The following CHUK variants were observed in gnomAD, a reference collection of about 807,000 sequenced individuals.
CHUK encodes inhibitor of nuclear factor kappa-B kinase subunit alpha.
CHUK carries 35 observed loss-of-function variants against 104.8 expected under a neutral mutation model. The observed-to-expected ratio is 0.33, with a 90% confidence interval of 0.26 to 0.44. The LOEUF is 0.44. Among genes scored for constraint, CHUK ranks in the 20% least tolerant of loss-of-function variants. The pLI, the probability that CHUK is intolerant of heterozygous loss-of-function variation, is 1.00. For synonymous variants in CHUK, 276 were observed against 291.9 expected, an observed-to-expected ratio of 0.95 and a Z score of 0.56; for missense variants, 663 against 902.7, an observed-to-expected ratio of 0.73 and a Z score of 3.40.
At chr10:100,186,388 C>T (rs1844995602), downstream of CHUK, 2 of 227,356 alleles carry the variant, frequency 8.8e-6, no homozygotes, top group East Asian at 1.8e-4. Flanking sequence ...CACGCACTTG[C>T]TTCCGGCAGA....
chr10:100,191,270 G>GT (rs1293513936), intron 19 of CHUK, among the ~76,000 whole-genome samples: 1 of 152,200 alleles, frequency 6.6e-6, no homozygotes, highest in Non-Finnish European at 1.5e-5. Context: ...CCGTGAAAAT[G>GT]TAACTAGGGA....
chr10:100,226,301 G>GA lies in CHUK; in HGVS notation c.106-285dup, dbSNP rs1030251668. ...GAACTCTCTCTCATATATAATGTTA[G>GA]AAAAAAAAAGATCCTGTCTCCTCAG... On this transcript the variant is annotated intron_variant, in intron 1 of 20. Transcript: ENST00000370397. 1.2e-4 allele frequency among the ~76,000 whole-genome samples: 18 copies of GA among 151,056 alleles called. No homozygotes were observed. In the South Asian group the frequency reaches 3.3e-3, roughly 28 times the overall value.
intron 9 of CHUK, among the ~76,000 whole-genome samples, chr10:100,212,645 G>T (rs1414792060): frequency 6.6e-6 from 1 of 152,072 alleles, no homozygotes; most frequent in Non-Finnish European, 1.5e-5. Context: ...TTTTTAGTTT[G>T]AAGGCCCACT....
chr10:100,223,233 C>T (rs966429766), intron 2 of CHUK, among the ~76,000 whole-genome samples: 4 of 152,172 alleles, frequency 2.6e-5, no homozygotes, highest in African/African-American at 9.7e-5. Context: ...TATATTAACT[C>T]AGTTACTTGT....
chr10:100,193,527 T>A, intron 18 of CHUK, 96 bp from the exon 19 acceptor site: 1 of 1,381,252 alleles, frequency 7.2e-7, no homozygotes, highest in Admixed American at 1.7e-5. Flanking sequence ...ACATTTCCGT[T>A]ACTACTTATA....
chr10:100,190,267 T>C, intron 20 of CHUK: 1 of 157,386 alleles, frequency 6.4e-6, no homozygotes, highest in Admixed American at 6.3e-5. Flanking sequence ...GCAATCCACC[T>C]GCCTTGGCCT....
chr10:100,220,986 A>G (rs909750436), intron 4 of CHUK, among the ~76,000 whole-genome samples: 7 of 152,232 alleles, frequency 4.6e-5, no homozygotes, highest in African/African-American at 1.4e-4. Context: ...ACTCATTTCA[A>G]TTGGACTTTA....
intron 5 of CHUK, among the ~76,000 whole-genome samples, chr10:100,220,192 C>T (rs1280543893): frequency 6.6e-6 from 1 of 151,718 alleles, no homozygotes. Context: ...AAAGTGGACC[C>T]AGGATGTGCA....
chr10:100,194,704 A>T, intron 16 of CHUK, 183 bp from the exon 17 acceptor site: 2 of 466,860 alleles, frequency 4.3e-6, no homozygotes, highest in Non-Finnish European at 7.7e-6. Context: ...AAATCTAGTT[A>T]TATATAAAAA....
chr10:100,190,020 C>CTTT, intron 20 of CHUK: 5 of 136,446 alleles, frequency 3.7e-5, no homozygotes, highest in South Asian at 2.1e-4. Context: ...CACCATTATC[C>CTTT]TTTTTTTTTT....
At chr10:100,209,236 T>C (rs17885232) in intron 10 of CHUK, among the ~76,000 whole-genome samples, 290 of 152,326 alleles carry the variant, frequency 1.9e-3, no homozygotes, top group African/African-American at 6.8e-3. Flanking sequence ...TGAGTTGGTC[T>C]GGCGGTAATT....
intron 9 of CHUK, among the ~76,000 whole-genome samples, chr10:100,214,348 C>T (rs997538273): frequency 1.3e-5 from 2 of 152,026 alleles, no homozygotes; most frequent in Non-Finnish European, 2.9e-5. Context: ...GCCTTCCATA[C>T]AGTTATAGTC....
chr10:100,220,574 C>T lies in CHUK; in HGVS notation c.474+14G>A. ...ATTCAATAGGCATGAAACATTACTT[C>T]AGGTTTCACCTACCTTTCCACCAAC... On this transcript the variant is annotated intron_variant, in intron 5 of 20. Transcript: ENST00000370397. 1 of 1,546,024 alleles carries T rather than the reference C, an allele frequency of 6.5e-7. No individual in the cohort carries two copies. The highest frequency in any genetic ancestry group is 8.9e-7 in the Non-Finnish European group (1 of 1,118,504).
chr10:100,200,635 C>T (rs1302460901), intron 15 of CHUK, 36 bp downstream of exon 15: 2 of 958,920 alleles, frequency 2.1e-6, no homozygotes, highest in Non-Finnish European at 3.4e-6. Flanking sequence ...CAAAATATTA[C>T]AGATGTCAAG....
In CHUK at chr10:100,217,618, G is replaced by A. The variant is rs548955100; in HGVS notation, c.933+377C>T. On this transcript the variant is annotated intron_variant, in intron 9 of 20. Transcript: ENST00000370397. Reference sequence around the variant, plus strand: ...ATCAGGGCTGGACGCAATGGCTCACGCCTGTAATCCCACTTTGGGAGGTGG... The same window carrying A: ...ATCAGGGCTGGACGCAATGGCTCACACCTGTAATCCCACTTTGGGAGGTGG... Among the ~76,000 whole-genome samples, 33 of 152,278 alleles carry A rather than the reference G, an allele frequency of 2.2e-4. No individual in the cohort carries two copies. The South Asian group carries it at 2.3e-3, about 11-fold the overall frequency.
chr10:100,222,393 A>G (rs776242535), intron 3 of CHUK, among the ~76,000 whole-genome samples: 6 of 152,230 alleles, frequency 3.9e-5, no homozygotes, highest in African/African-American at 9.6e-5. Context: ...AGCATTTGAA[A>G]CTGGAAAAGG....
Position 100,229,410 on chromosome 10 carries a change from T to C in CHUK, c.105+18A>G. 6.3e-7 allele frequency: 1 copy of C among 1,586,082 alleles called. No individual in the cohort carries two copies. The highest frequency in any genetic ancestry group is 8.6e-7 in the Non-Finnish European group (1 of 1,164,588). ...GCCGCTCCAACCCACCGCCGCTCCC[T>C]CTCACGCCCCGCCTCACCCGATGCT... is the stretch of plus-strand genomic sequence containing the variant. On this transcript the variant is annotated intron_variant, in intron 1 of 20. Transcript: ENST00000370397.
At chr10:100,211,485 G>A (rs770030204) in intron 9 of CHUK, among the ~76,000 whole-genome samples, 3 of 151,560 alleles carry the variant, frequency 2.0e-5, no homozygotes, top group Non-Finnish European at 2.9e-5. Flanking sequence ...ATACACCCCC[G>A]CACCCGCATC....
chr10:100,214,560 G>A (rs1845808731), intron 9 of CHUK, among the ~76,000 whole-genome samples: 1 of 152,182 alleles, frequency 6.6e-6, no homozygotes, highest in South Asian at 2.1e-4. Flanking sequence ...AAAACAAGGT[G>A]AGCAGAAGCA....
Sources: allele counts gnomAD v4.1 joint callset (sites outside exome capture counted in the v4.1 genomes callset), GRCh38; gene constraint gnomAD v4.1.1; transcripts MANE v1.5; gene names NCBI Gene and HGNC (gene_info 2026-07-23, HGNC 2026-07-21).